Variants in GTF3C1 observed in about 807,000 individuals in gnomAD.
GTF3C1 encodes the protein general transcription factor IIIC subunit 1.
A neutral mutation model predicts 226.7 loss-of-function variants in GTF3C1; 57 were observed. That is an observed-to-expected ratio of 0.25 (90% CI 0.20 to 0.31). The LOEUF (loss-of-function observed/expected upper bound fraction) is 0.31. Among genes scored for constraint, GTF3C1 ranks in the 10% least tolerant of loss-of-function variants. The pLI, the probability that GTF3C1 is intolerant of heterozygous loss-of-function variation, is 1.00. For synonymous variants in GTF3C1, 1,090 were observed against 1,084.8 expected, an observed-to-expected ratio of 1.00 and a Z score of -0.09; for missense variants, 2,217 against 2,776.1, an observed-to-expected ratio of 0.80 and a Z score of 4.53.
chr16:27,486,408 T>A (rs1227371426), intron 23 of GTF3C1, among the ~76,000 whole-genome samples: 1 of 152,234 alleles, frequency 6.6e-6, no homozygotes, highest in Non-Finnish European at 1.5e-5. Flanking sequence ...GAAGGCTCAA[T>A]GCAGCCTCTA....
intron 32 of GTF3C1, among the ~76,000 whole-genome samples, chr16:27,468,618 T>G (rs901642882): frequency 3.3e-5 from 5 of 151,162 alleles, no homozygotes; most frequent in Non-Finnish European, 7.4e-5. Flanking sequence ...AAAAATAGGC[T>G]TGGTGTGGTG....
intron 29 of GTF3C1, among the ~76,000 whole-genome samples, chr16:27,474,347 G>A (rs1379042124): frequency 6.6e-6 from 1 of 152,180 alleles, no homozygotes; most frequent in African/African-American, 2.4e-5. Context: ...GGAACTGGAG[G>A]AGGAAAAAGC....
intron 2 of GTF3C1, among the ~76,000 whole-genome samples, chr16:27,542,582 G>T (rs909446179): frequency 6.7e-5 from 10 of 148,224 alleles, no homozygotes; most frequent in Admixed American, 6.8e-5. Flanking sequence ...AAAAAAAAAA[G>T]TTTAATCCCC....
At position 27,465,292 on chromosome 16, in the gene GTF3C1, C is replaced by T. The variant is rs758680516; in HGVS notation, c.5323G>A (p.Gly1775Arg). 22 of 1,614,048 alleles carry T rather than the reference C, an allele frequency of 1.4e-5. No individual in the cohort carries two copies. Among genetic ancestry groups the T allele is most frequent in the Admixed American group, 1.7e-5 (1 of 60,012 alleles). Residue 1775 changes from glycine (G) to arginine (R), a missense_variant, in exon 33 of 37, where the codon GGG becomes AGG. Transcript: ENST00000356183. ...RFSALEKAGG[G>R]RTRTFADCIQ... is the part of the protein sequence containing the mutation. ...CAATCTGCGAATGTCCTGGTGCGCC[C>T]ACCACCTGCCTTCTCCAAGGCCGAG... is the stretch of plus-strand genomic sequence containing the variant.
chr16:27,502,030 C>A, intron 11 of GTF3C1, among the ~76,000 whole-genome samples: 1 of 151,170 alleles, frequency 6.6e-6, no homozygotes, highest in South Asian at 2.1e-4. Flanking sequence ...AGGAGGCAGA[C>A]GTTGCAGTGA....
In GTF3C1 at chr16:27,507,876, G is replaced by A. The variant is rs571068594; in HGVS notation, c.1242+664C>T. 7.9e-5 allele frequency among the ~76,000 whole-genome samples: 12 copies of A among 152,376 alleles called. No individual in the cohort carries two copies. Among genetic ancestry groups the A allele is most frequent in the African/African-American group, 2.9e-4 (12 of 41,600 alleles). Reference sequence around the variant, plus strand: ...GGTGCCAGGCAAGTAACATGCATAAGAAGGAGGGCCAAGTGGGGATGGTGG... The same window carrying A: ...GGTGCCAGGCAAGTAACATGCATAAAAAGGAGGGCCAAGTGGGGATGGTGG... On this transcript the variant is annotated intron_variant, in intron 8 of 36. Coordinates refer to ENST00000356183, the MANE Select transcript of GTF3C1 (RefSeq NM_001520.4). This position sits in a 1 kb window ranked among gnomAD's most constrained non-coding sequence, Gnocchi z 4.9.
chr16:27,495,150 T>G, intron 15 of GTF3C1, 61 bp downstream of exon 15: 1 of 1,249,562 alleles, frequency 8.0e-7, no homozygotes, highest in Non-Finnish European at 1.1e-6. Flanking sequence ...ATCATGTTTC[T>G]CCCTGGATCC....
rs2087952657 is a variant in GTF3C1 at position 27,476,532 on chromosome 16, G to A, written c.4272C>T (p.Ile1424=). ...TCAGGTTCTGAAGCACCAGAAAGTG[G>A]ATGTCATCCACGCTGAAAGAGAGGG... is the stretch of plus-strand genomic sequence containing the variant. ...KEDELNSVDD[I]HFLVLQNLIQ... The change falls in exon 29 of 37, where the codon ATC becomes ATT. Residue 1424 remains isoleucine (I), a synonymous_variant. Coordinates refer to ENST00000356183, the MANE Select transcript of GTF3C1 (RefSeq NM_001520.4). 1 of 1,607,840 alleles carries A rather than the reference G, an allele frequency of 6.2e-7. No homozygotes were observed.
rs534080485 is a variant in GTF3C1 at position 27,463,368 on chromosome 16, T to C, written c.5924+173A>G. 5.8e-5 allele frequency: 38 copies of C among 654,330 alleles called. No individual in the cohort carries two copies. In the African/African-American group the frequency reaches 6.5e-4, roughly 11 times the overall value. The allele number at this position is 654,330 out of a possible 1,614,324, so 40.5% of individuals were successfully genotyped here. ...GGGCACTGCCAGTGCTCAGCACGCC[T>C]GCTGCTCGCCCACTGCGCCCCTCCA... On this transcript the variant is annotated intron_variant, in intron 35 of 36. Coordinates refer to ENST00000356183, the MANE Select transcript of GTF3C1 (RefSeq NM_001520.4). This position sits in a 1 kb window ranked among gnomAD's most constrained non-coding sequence, Gnocchi z 4.9.
In GTF3C1 at chr16:27,464,434, C is replaced by T. The variant is rs199866134; in HGVS notation, c.5758G>A (p.Ala1920Thr). The T allele has an allele frequency of 4.2e-5, 67 of 1,603,182 alleles. No homozygotes were observed. Among genetic ancestry groups the T allele is most frequent in the Admixed American group, 1.2e-4 (7 of 58,264 alleles). Residue 1920 changes from alanine to threonine, a missense_variant, in exon 34 of 37, where the codon GCT (alanine) becomes ACT (threonine). Ala to Thr is a moderately conservative substitution (Grantham distance 58). Coordinates refer to ENST00000356183, the MANE Select transcript of GTF3C1 (RefSeq NM_001520.4). ...TCTTCCTGTGCTGCTCCCGCTGCAG[C>T]GGTGTCTTCAAGAGCTGGGGGTGGA... ...PSPPPALEDT[A>T]AAGAAQEDQE...
chr16:27,531,815 G>A lies in GTF3C1; in HGVS notation c.849+1476C>T, dbSNP rs115407258. ...ACAAGTAACATTAATCCACACGGTG[G>A]CCAGGTATTTGTTTATTAAGCCGGT... On this transcript the variant is annotated intron_variant, in intron 5 of 36. Coordinates refer to ENST00000356183, the MANE Select transcript of GTF3C1 (RefSeq NM_001520.4). Among the ~76,000 whole-genome samples the A allele has an allele frequency of 7.0e-3, 1,063 of 152,256 alleles. 16 individuals are homozygous for A. The highest frequency in any genetic ancestry group is 0.024 in the African/African-American group (1,009 of 41,538).
intron 10 of GTF3C1, 48 bp downstream of exon 10, chr16:27,505,851 C>T (rs1326736222): frequency 1.9e-6 from 2 of 1,031,896 alleles, no homozygotes; most frequent in Middle Eastern, 2.1e-4. Flanking sequence ...AACGATGAGG[C>T]CACAGACTCC....
intron 6 of GTF3C1, among the ~76,000 whole-genome samples, chr16:27,517,407 C>T (rs1401597121): frequency 1.3e-5 from 2 of 152,180 alleles, no homozygotes; most frequent in Admixed American, 6.5e-5. Flanking sequence ...CCAGGGTGAG[C>T]GAGGCCTACT....
chr16:27,472,418 T>G (rs1261970508), intron 29 of GTF3C1, among the ~76,000 whole-genome samples: 1 of 152,168 alleles, frequency 6.6e-6, no homozygotes. Flanking sequence ...TCCTTCCCCA[T>G]GTCACTTTCC....
intron 24 of GTF3C1, among the ~76,000 whole-genome samples, chr16:27,484,924 G>T (rs546100917): frequency 6.6e-6 from 1 of 152,334 alleles, no homozygotes; most frequent in African/African-American, 2.4e-5. Context: ...GGTAAGCGGC[G>T]AGAGTCCATC....
chr16:27,470,464 A>G lies in GTF3C1; in HGVS notation c.4527-69T>C, dbSNP rs1204668419. 1.6e-6 allele frequency: 2 copies of G among 1,241,022 alleles called. No individual in the cohort carries two copies. The highest frequency in any genetic ancestry group is 2.3e-6 in the Non-Finnish European group (2 of 862,114). 76.9% of individuals were successfully genotyped at this position (1,241,022 alleles called of 1,614,324 possible). A position where few individuals can be genotyped will look rare whatever the true frequency, so the allele number is the denominator to read the frequency against. ...TGGGAAGCCTTCATTTGGATGGACT[A>G]TGAGCACGTCAAACCATTATGGTGA... On this transcript the variant is annotated intron_variant, in intron 30 of 36. Transcript: ENST00000356183. This position sits in a 1 kb window ranked among gnomAD's most constrained non-coding sequence, Gnocchi z 4.9.
intron 5 of GTF3C1, among the ~76,000 whole-genome samples, chr16:27,532,653 C>T (rs1307739721): frequency 6.6e-6 from 1 of 152,190 alleles, no homozygotes; most frequent in Non-Finnish European, 1.5e-5. Context: ...CCCCTCAGGA[C>T]AGCCGCTCTG....
chr16:27,472,437 T>C (rs1245471885), intron 29 of GTF3C1, among the ~76,000 whole-genome samples: 2 of 152,132 alleles, frequency 1.3e-5, no homozygotes, highest in East Asian at 3.9e-4. Context: ...CCCCAATCCC[T>C]GACCATTCTC....
At position 27,462,733 on chromosome 16, in the gene GTF3C1, TG is replaced by T. The variant is rs569652779; in HGVS notation, c.5925-248del. The T allele has an allele frequency of 4.4e-4, 212 of 483,636 alleles. No homozygotes were observed. Among genetic ancestry groups the T allele is most frequent in the African/African-American group, 3.4e-3 (180 of 52,370 alleles). 30.0% of individuals were successfully genotyped at this position (483,636 alleles called of 1,614,324 possible). On this transcript the variant is annotated intron_variant, in intron 35 of 36. Coordinates refer to ENST00000356183, the MANE Select transcript of GTF3C1 (RefSeq NM_001520.4). This position sits in a 1 kb window ranked among gnomAD's most constrained non-coding sequence, Gnocchi z 4.5. ...GATGTAGCTGTAACTGAGGCCTCAG[TG>T]GGCCCACCCACATTGGCAGGAGAGG... is the stretch of plus-strand genomic sequence containing the variant.
Sources: gnomAD v4.1 joint callset for allele counts (sites outside exome capture counted in the v4.1 genomes callset) on GRCh38, gnomAD v4.1.1 for gene constraint, Gnocchi (gnomAD v3.1) non-coding constraint, MANE v1.5 for transcripts, NCBI Gene and HGNC (gene_info 2026-07-23, HGNC 2026-07-21) for gene names.